TARBP1: variants seen among roughly 807,000 people sequenced by gnomAD.
The protein encoded by TARBP1 is tRNA (guanosine(18)-2'-O)-methyltransferase TARBP1.
Under a neutral mutation model 178.6 loss-of-function variants are expected in TARBP1, and 144 were observed. The observed-to-expected ratio is 0.81, with a 90% CI of 0.70 to 0.93. TARBP1 has a LOEUF of 0.93. Among genes scored for constraint, TARBP1 ranks in the 40% least tolerant of loss-of-function variants. The pLI is 0.00. For synonymous variants in TARBP1, 787 were observed against 781.0 expected, an observed-to-expected ratio of 1.01 and a Z score of -0.13; for missense variants, 2,067 against 2,011.7, an observed-to-expected ratio of 1.03 and a Z score of -0.53.
chr1:234,460,152 C>T, intron 7 of TARBP1, 109 bp downstream of exon 7: 2 of 1,248,986 alleles, frequency 1.6e-6, no homozygotes, highest in South Asian at 2.1e-5. Context: ...ATCCCAATCC[C>T]AATATTAACT....
intron 23 of TARBP1, chr1:234,407,972 A>C (rs932158423): frequency 6.6e-6 from 1 of 152,176 alleles, no homozygotes; most frequent in African/African-American, 2.4e-5. Context: ...CTCGTAAATG[A>C]AAAAAACCCA....
At chr1:234,436,634 A>G (rs1665052282) in intron 13 of TARBP1, among the ~76,000 whole-genome samples, 1 of 152,264 alleles carries the variant, frequency 6.6e-6, no homozygotes, top group Admixed American at 6.5e-5. Context: ...AAGTTCTTAA[A>G]GTAAGAATGC....
intron 9 of TARBP1, among the ~76,000 whole-genome samples, chr1:234,452,934 A>G (rs1666925383): frequency 6.6e-6 from 1 of 152,256 alleles, no homozygotes; most frequent in African/African-American, 2.4e-5. Context: ...CCTTAAGTGC[A>G]TATTACTAAG....
chr1:234,476,456 C>A (rs74147475), intron 1 of TARBP1, among the ~76,000 whole-genome samples: 3 of 152,102 alleles, frequency 2.0e-5, no homozygotes, highest in African/African-American at 7.2e-5. Context: ...GAGAAACCTG[C>A]GACATCTGGG....
chr1:234,401,367 CAG>C, intron 24 of TARBP1, 105 bp from the exon 25 acceptor site: 1 of 788,486 alleles, frequency 1.3e-6, no homozygotes, highest in East Asian at 2.7e-5. Flanking sequence ...TGAGAAGGAA[CAG>C]AAAATTTTAT....
intron 6 of TARBP1, among the ~76,000 whole-genome samples, chr1:234,463,136 G>GT (rs1365370596): frequency 2.8e-4 from 33 of 119,180 alleles, no homozygotes; most frequent in African/African-American, 9.6e-4. Context: ...TGTTTTTTTT[G>GT]TTTTTTTGAG....
chr1:234,457,616 A>C (rs766707279), intron 9 of TARBP1, 51 bp downstream of exon 9: 15 of 1,332,084 alleles, frequency 1.1e-5, no homozygotes, highest in Non-Finnish European at 1.3e-5. Context: ...TCATTAAGAA[A>C]ACCATTTTTT....
chr1:234,474,246 AC>A (rs869235811), intron 1 of TARBP1, among the ~76,000 whole-genome samples: 1 of 15,214 alleles, frequency 6.6e-5, no homozygotes, highest in South Asian at 3.5e-3. Context: ...TGTCTCTAAA[AC>A]ACACACACAC....
chr1:234,435,333 A>C (rs1664895349), intron 13 of TARBP1, among the ~76,000 whole-genome samples: 1 of 151,960 alleles, frequency 6.6e-6, no homozygotes, highest in South Asian at 2.1e-4. Flanking sequence ...AAAAATACAA[A>C]AATATTACAG....
At chr1:234,460,630 AAAAAATATGGC>A (rs2103261524) in intron 6 of TARBP1, among the ~76,000 whole-genome samples, 1 of 152,302 alleles carries the variant, frequency 6.6e-6, no homozygotes, top group East Asian at 1.9e-4. Flanking sequence ...CCGCTGTGGA[AAAAAATATGGC>A]AGTTCCTCCA....
In TARBP1 at chr1:234,446,869, T is replaced by C. The variant is rs1174612592; in HGVS notation, c.2068A>G (p.Arg690Gly). Residue 690 changes from arginine to glycine, a missense_variant, in exon 12 of 30, where the codon AGA becomes GGA. By Grantham distance (125) the Arg-to-Gly change is moderately radical (BLOSUM62 -2). Coordinates refer to ENST00000040877, the MANE Select transcript of TARBP1 (RefSeq NM_005646.4). ...AGCTTCAACAGCAGCTGGAGGCATC[T>C]GTCAGTCTTCAGCAAGGGCATGTAG... The part of the protein sequence containing the change: ...NAYMPLLKTD[R>G]CLQLLLKLLN... The C allele has an allele frequency of 3.1e-6, 5 of 1,613,924 alleles. No individual in the cohort carries two copies. Among genetic ancestry groups the C allele is most frequent in the Non-Finnish European group, 3.4e-6 (4 of 1,179,984 alleles).
chr1:234,461,957 T>C (rs1558244023), intron 6 of TARBP1, among the ~76,000 whole-genome samples: 2 of 152,318 alleles, frequency 1.3e-5, no homozygotes, highest in East Asian at 1.9e-4. Flanking sequence ...TTTGTGTCTT[T>C]TGAAATACCT....
chr1:234,473,324 G>C (rs989589066), intron 1 of TARBP1, among the ~76,000 whole-genome samples: 2 of 152,216 alleles, frequency 1.3e-5, no homozygotes, highest in Non-Finnish European at 2.9e-5. Flanking sequence ...CTAAACCAAA[G>C]AGGATGTGTT....
intron 9 of TARBP1, among the ~76,000 whole-genome samples, chr1:234,454,811 G>A (rs942070226): frequency 6.6e-6 from 1 of 152,110 alleles, no homozygotes; most frequent in Admixed American, 6.6e-5. Flanking sequence ...TCCTAATCCC[G>A]GAACCTGTGA....
Position 234,478,427 on chromosome 1 carries a change from ACGCGGCCGGACCCCAGGGACGCCCCAGG to A in TARBP1, c.649_676del (p.Pro217Ter). ...GCTCAGGACCAGCAGCTTCTCCTCT[ACGCGGCCGGACCCCAGGGACGCCCCAGG>A]CGCGGCCAGCCCGCCCCACACGGCC... On this transcript the variant is annotated frameshift_variant, in exon 1 of 30. Transcript: ENST00000040877. LOFTEE classifies it high-confidence loss of function. 1 of 1,385,906 alleles carries A rather than the reference ACGCGGCCGGACCCCAGGGACGCCCCAGG, an allele frequency of 7.2e-7. No individual in the cohort carries two copies. Among genetic ancestry groups the A allele is most frequent in the Non-Finnish European group, 9.4e-7 (1 of 1,066,018 alleles). The allele number at this position is 1,385,906 out of a possible 1,614,324, so 85.9% of individuals were successfully genotyped here.
At chr1:234,416,709 G>A (rs1310995323) in intron 22 of TARBP1, among the ~76,000 whole-genome samples, 1 of 152,166 alleles carries the variant, frequency 6.6e-6, no homozygotes, top group Non-Finnish European at 1.5e-5. Flanking sequence ...TGTTTCTGCT[G>A]CTTATGGTGA....
At chr1:234,460,186 G>A in intron 7 of TARBP1, 75 bp downstream of exon 7, 6 of 1,467,958 alleles carry the variant, frequency 4.1e-6, no homozygotes, top group African/African-American at 1.4e-5. Context: ...GTAGATTAAA[G>A]CAGAGGAGAA....
At chr1:234,477,719 C>T (rs1390530441) in intron 1 of TARBP1, among the ~76,000 whole-genome samples, 2 of 152,228 alleles carry the variant, frequency 1.3e-5, no homozygotes, top group African/African-American at 4.8e-5. Context: ...GGGGAAATTT[C>T]AGAAGAGTGT....
At chr1:234,466,449 T>C (rs549735845) in intron 4 of TARBP1, among the ~76,000 whole-genome samples, 2 of 152,164 alleles carry the variant, frequency 1.3e-5, no homozygotes, top group Admixed American at 1.3e-4. Flanking sequence ...GAGGCAGAGG[T>C]TGCAGTGAGC....
Sources: allele counts gnomAD v4.1 joint callset (sites outside exome capture counted in the v4.1 genomes callset), GRCh38; gene constraint gnomAD v4.1.1; transcripts MANE v1.5; gene names NCBI Gene and HGNC (gene_info 2026-07-23, HGNC 2026-07-21).